CYP2C19: variants seen among roughly 807,000 people sequenced by gnomAD.
The protein encoded by CYP2C19 is cytochrome P450 family 2 subfamily C member 19, also known as cytochrome P450 2C19.
A neutral mutation model predicts 40.9 loss-of-function variants in CYP2C19; 59 were observed. The observed-to-expected ratio is 1.44, with a 90% CI of 1.17 to 1.79. The LOEUF (loss-of-function observed/expected upper bound fraction) is 1.79, where lower values mean the gene tolerates loss of function less well. CYP2C19 is among the 40% of genes most tolerant of loss of function. The pLI, the probability that CYP2C19 is intolerant of heterozygous loss-of-function variation, is 0.00. For missense variants in CYP2C19, 754 were observed against 596.9 expected (o/e 1.26, Z -2.74); for synonymous variants, 253 against 208.7 (o/e 1.21, Z -1.83).
chr10:94,782,659 A>T (rs1021072157), intron 5 of CYP2C19, among the ~76,000 whole-genome samples: 1 of 152,128 alleles, frequency 6.6e-6, no homozygotes, highest in African/African-American at 2.4e-5. Context: ...ACACATGTAC[A>T]CATTTGTTTA....
chr10:94,823,734 T>C (rs1849165593), intron 6 of CYP2C19, among the ~76,000 whole-genome samples: 1 of 152,226 alleles, frequency 6.6e-6, no homozygotes, highest in South Asian at 2.1e-4. Context: ...ATAGAAATAG[T>C]GTGTTTTCAG....
chr10:94,773,341 C>G (rs1265831405), intron 1 of CYP2C19, among the ~76,000 whole-genome samples: 1 of 152,148 alleles, frequency 6.6e-6, no homozygotes, highest in African/African-American at 2.4e-5. Flanking sequence ...GGAGTTTGTT[C>G]CTTCAGATGT....
Position 94,822,402 on chromosome 10 carries a change from T to C in CYP2C19, c.961+1765T>C, listed in dbSNP as rs577547330. 2.6e-5 allele frequency among the ~76,000 whole-genome samples: 4 copies of C among 152,274 alleles called. No homozygotes were observed. The South Asian group carries it at 8.3e-4, about 32-fold the overall frequency. ...GAATTATGGGAGCCAAAGTCCAAGA[T>C]GAGATTTGAGTGGGGACACAGTCTA... On this transcript the variant is annotated intron_variant, in intron 6 of 8. Coordinates refer to ENST00000371321, the MANE Select transcript of CYP2C19 (RefSeq NM_000769.4).
At chr10:94,812,314 T>C (rs1216592697) in intron 5 of CYP2C19, among the ~76,000 whole-genome samples, 1 of 152,136 alleles carries the variant, frequency 6.6e-6, no homozygotes, top group Admixed American at 6.6e-5. Context: ...ACATTTTTCC[T>C]TTCTTTTAAC....
chr10:94,821,195 C>G (rs779156717), intron 6 of CYP2C19, among the ~76,000 whole-genome samples: 1 of 152,298 alleles, frequency 6.6e-6, no homozygotes, highest in Non-Finnish European at 1.5e-5. Flanking sequence ...AGCAATAGAG[C>G]TCTGGCCCAG....
At chr10:94,822,610 A>G (rs879129244) in intron 6 of CYP2C19, among the ~76,000 whole-genome samples, 5 of 152,188 alleles carry the variant, frequency 3.3e-5, no homozygotes, top group Admixed American at 3.3e-4. Context: ...TGCTGGGTCA[A>G]CTAAAGTTCT....
At position 94,780,623 on chromosome 10, in the gene CYP2C19, T is replaced by C; in HGVS notation, c.606T>C (p.Asn202=). ...QQFLNLMEKL[N]ENIRIVSTPW... The stretch of plus-strand genomic sequence containing the variant: ...TTCTTAACTTGATGGAAAAATTGAA[T>C]GAAAACATCAGGATTGTAAGCACCC... The change falls in exon 4 of 9, where the codon AAT becomes AAC. Residue 202 remains asparagine, a synonymous_variant. Coordinates refer to ENST00000371321, the MANE Select transcript of CYP2C19 (RefSeq NM_000769.4). The C allele has an allele frequency of 6.2e-7, 1 of 1,613,846 alleles. No individual in the cohort carries two copies. Among genetic ancestry groups the C allele is most frequent in the Non-Finnish European group, 8.5e-7 (1 of 1,179,876 alleles).
chr10:94,820,510 ACAGT>A lies in CYP2C19; in HGVS notation c.836_839del (p.Gln279LeufsTer9). ...ATCATTCCTAGGAAAAGCAAAACCA[ACAGT>A]CTGAATTCACTATTGAAAACTTGGT... On this transcript the variant is annotated frameshift_variant, in exon 6 of 9. Transcript: ENST00000371321. LOFTEE classifies it high-confidence loss of function. 1.2e-6 allele frequency: 2 copies of A among 1,614,180 alleles called. No homozygotes were observed. Among genetic ancestry groups the A allele is most frequent in the Non-Finnish European group, 1.7e-6 (2 of 1,180,032 alleles).
At chr10:94,827,448 A>G (rs573512744) in intron 6 of CYP2C19, among the ~76,000 whole-genome samples, 1,837 of 151,818 alleles carry the variant, frequency 0.012, 18 homozygotes, top group Non-Finnish European at 0.02. Flanking sequence ...GTTTATTTGC[A>G]TAGAGGTGTT....
intron 5 of CYP2C19, among the ~76,000 whole-genome samples, chr10:94,799,653 CT>C (rs2134251935): frequency 6.6e-6 from 1 of 152,292 alleles, no homozygotes; most frequent in African/African-American, 2.4e-5. Flanking sequence ...TAGATTTGGT[CT>C]TTTCACATAG....
intron 6 of CYP2C19, among the ~76,000 whole-genome samples, chr10:94,828,108 T>G (rs989468448): frequency 1.3e-5 from 2 of 152,082 alleles, no homozygotes; most frequent in African/African-American, 4.8e-5. Context: ...TTGGAATAGG[T>G]GTGGTGTGGT....
chr10:94,848,528 T>A (rs1310115901), intron 7 of CYP2C19, among the ~76,000 whole-genome samples: 5 of 152,206 alleles, frequency 3.3e-5, no homozygotes. Flanking sequence ...TCCAGCTTTG[T>A]TCTTTTGGCT....
At chr10:94,781,548 G>A (rs1012622596) in intron 4 of CYP2C19, among the ~76,000 whole-genome samples, 1 of 151,984 alleles carries the variant, frequency 6.6e-6, no homozygotes, top group Admixed American at 6.6e-5. Context: ...GTTGTAAAAA[G>A]TAAGAGAATT....
intron 7 of CYP2C19, among the ~76,000 whole-genome samples, chr10:94,846,563 C>T (rs1319634824): frequency 6.6e-6 from 1 of 152,132 alleles, no homozygotes; most frequent in Non-Finnish European, 1.5e-5. Flanking sequence ...ATAGTTTTAT[C>T]TTTCATTGAT....
chr10:94,851,204 C>G (rs767320816), intron 8 of CYP2C19, among the ~76,000 whole-genome samples: 30 of 151,840 alleles, frequency 2.0e-4, no homozygotes, highest in Non-Finnish European at 3.8e-4. Context: ...TGGTAGAAGG[C>G]AAAGAGGAAG....
intron 3 of CYP2C19, chr10:94,776,044 C>A (rs1012067634): frequency 1.2e-5 from 2 of 162,570 alleles, no homozygotes; most frequent in Admixed American, 1.1e-4. Context: ...CCATGCTTGC[C>A]ATTCTGGCCA....
chr10:94,812,918 G>C (rs2134261492), intron 5 of CYP2C19, among the ~76,000 whole-genome samples: 1 of 151,766 alleles, frequency 6.6e-6, no homozygotes, highest in South Asian at 2.1e-4. Flanking sequence ...GCAAGGAGTT[G>C]TGATCCTTTG....
At chr10:94,833,631 A>T (rs1281716914) in intron 6 of CYP2C19, among the ~76,000 whole-genome samples, 1 of 152,208 alleles carries the variant, frequency 6.6e-6, no homozygotes, top group Non-Finnish European at 1.5e-5. Context: ...AAAAATGATG[A>T]GTTCATGTCC....
chr10:94,764,350 AC>A (rs1848213366), intron 1 of CYP2C19, among the ~76,000 whole-genome samples: 1 of 151,960 alleles, frequency 6.6e-6, no homozygotes, highest in Non-Finnish European at 1.5e-5. Flanking sequence ...GTGTTTACAA[AC>A]CTTTAGCTAG....
Sources: gnomAD v4.1 joint callset for allele counts (sites outside exome capture counted in the v4.1 genomes callset) on GRCh38, gnomAD v4.1.1 for gene constraint, MANE v1.5 for transcripts, NCBI Gene and HGNC (gene_info 2026-07-23, HGNC 2026-07-21) for gene names.